ZFHX3: variants seen among roughly 807,000 people sequenced by gnomAD.
ZFHX3 encodes the protein zinc finger homeobox 3, also known as zinc finger homeobox protein 3.
ZFHX3 carries 42 observed loss-of-function variants against 279.1 expected under a neutral mutation model. The observed-to-expected ratio is 0.15, with a 90% CI of 0.12 to 0.19. The LOEUF is 0.19. Ranked by LOEUF, ZFHX3 falls within the 10% of genes least tolerant of loss-of-function variation. The pLI is 1.00. For missense variants in ZFHX3, 4,981 were observed against 4,754.0 expected (o/e 1.05, Z -1.40); for synonymous variants, 2,293 against 1,957.8 (o/e 1.17, Z -4.52).
chr16:73,406,964 A>G (rs2017371742), intron 3 of ZFHX3, among the ~76,000 whole-genome samples: 1 of 152,212 alleles, frequency 6.6e-6, no homozygotes, highest in Non-Finnish European at 1.5e-5. Flanking sequence ...TTAGAGTAAC[A>G]ATTAATTGAA....
chr16:73,108,944 A>G (rs1174100831), intron 7 of ZFHX3, among the ~76,000 whole-genome samples: 1 of 152,198 alleles, frequency 6.6e-6, no homozygotes, highest in African/African-American at 2.4e-5. Flanking sequence ...GGCGTTTGCC[A>G]GCGATTTGGT....
intron 8 of ZFHX3, among the ~76,000 whole-genome samples, chr16:73,086,038 C>G (rs1397089810): frequency 7.7e-6 from 1 of 129,760 alleles, no homozygotes; most frequent in African/African-American, 2.9e-5. Context: ...AAGATCTAGA[C>G]AGACAGACAT....
At chr16:72,937,126 GC>G (rs1960165929) in intron 3 of ZFHX3, among the ~76,000 whole-genome samples, 1 of 152,152 alleles carries the variant, frequency 6.6e-6, no homozygotes, top group Non-Finnish European at 1.5e-5. Flanking sequence ...ACCATGCTAA[GC>G]CTGCGGAGTT....
At chr16:73,322,871 A>G (rs1280481855) in intron 3 of ZFHX3, among the ~76,000 whole-genome samples, 1 of 152,254 alleles carries the variant, frequency 6.6e-6, no homozygotes, top group Non-Finnish European at 1.5e-5. Context: ...GCTGACGGTC[A>G]GCAAACTGCA....
At chr16:73,017,960 A>T (rs1288372130) in intron 1 of ZFHX3, among the ~76,000 whole-genome samples, 8 of 151,670 alleles carry the variant, frequency 5.3e-5, no homozygotes. Context: ...TTTTCGATGA[A>T]GTGGGACCTA....
intron 1 of ZFHX3, among the ~76,000 whole-genome samples, chr16:72,967,397 T>A (rs901648387): frequency 1.3e-5 from 2 of 151,628 alleles, no homozygotes; most frequent in African/African-American, 2.4e-5. Context: ...GAAAATTAAG[T>A]GACAGTAAGT....
exon 3 of ZFHX3, chr16:73,456,105 C>T (rs1056736388): frequency 2.4e-4 from 36 of 152,108 alleles, no homozygotes; most frequent in African/African-American, 6.3e-4. Flanking sequence ...GTCCGTCTAA[C>T]GGGGCCAGCG....
chr16:73,133,143 T>C (rs1966724040), intron 6 of ZFHX3, among the ~76,000 whole-genome samples: 1 of 152,240 alleles, frequency 6.6e-6, no homozygotes, highest in Non-Finnish European at 1.5e-5. Context: ...GGAATTCTAA[T>C]GTGTAACTGA....
chr16:72,795,498 G>C lies in ZFHX3; in HGVS notation c.7184C>G (p.Ala2395Gly). 6.2e-7 allele frequency: 1 copy of C among 1,614,154 alleles called. No individual in the cohort carries two copies. Among genetic ancestry groups the C allele is most frequent in the Non-Finnish European group, 8.5e-7 (1 of 1,180,034 alleles). ...GGAAGCTGTATTATTGGCTGATGGTGCTGGGGCGCTGTAAGCCTGTGAGGG... is the reference window on the plus strand; with the variant it reads ...GGAAGCTGTATTATTGGCTGATGGTCCTGGGGCGCTGTAAGCCTGTGAGGG... ...PMPSQAYSAP[A>G]PSANNTASSA... The change falls in exon 9 of 10, where the codon GCA becomes GGA. Residue 2395 changes from alanine (A) to glycine (G), a missense_variant. Coordinates refer to ENST00000268489, the MANE Select transcript of ZFHX3 (RefSeq NM_006885.4).
At chr16:72,991,543 A>C (rs979222791) in intron 1 of ZFHX3, among the ~76,000 whole-genome samples, 1 of 152,366 alleles carries the variant, frequency 6.6e-6, no homozygotes. Context: ...TGTAAGGATT[A>C]ATGAGACAGT....
intron 3 of ZFHX3, among the ~76,000 whole-genome samples, chr16:73,327,753 G>A (rs1465001180): frequency 6.6e-6 from 1 of 152,228 alleles, no homozygotes; most frequent in African/African-American, 2.4e-5. Context: ...GAATCTTTGT[G>A]ATTGATGACA....
At chr16:73,426,922 T>A (rs1248854615) in intron 3 of ZFHX3, among the ~76,000 whole-genome samples, 1 of 152,138 alleles carries the variant, frequency 6.6e-6, no homozygotes, top group Admixed American at 6.5e-5. Context: ...AACGTGTTGA[T>A]TATTCTGATT....
At chr16:73,441,712 T>G (rs2018097093) in intron 3 of ZFHX3, among the ~76,000 whole-genome samples, 1 of 152,154 alleles carries the variant, frequency 6.6e-6, no homozygotes, top group Non-Finnish European at 1.5e-5. Context: ...AACATGTATC[T>G]TCTCCTTGGT....
At chr16:72,898,528 AG>A (rs977289467) in intron 3 of ZFHX3, among the ~76,000 whole-genome samples, 1 of 152,200 alleles carries the variant, frequency 6.6e-6, no homozygotes, top group Non-Finnish European at 1.5e-5. Context: ...CTAAGTCTAT[AG>A]CTGTCTATAG....
chr16:73,026,805 C>T (rs964711792), intron 1 of ZFHX3, among the ~76,000 whole-genome samples: 1 of 151,996 alleles, frequency 6.6e-6, no homozygotes, highest in Non-Finnish European at 1.5e-5. Flanking sequence ...ACCCTGGAAT[C>T]GCTGGGGGAG....
At chr16:73,302,036 A>T (rs1366824722) in intron 4 of ZFHX3, among the ~76,000 whole-genome samples, 2 of 151,988 alleles carry the variant, frequency 1.3e-5, no homozygotes, top group South Asian at 2.1e-4. Flanking sequence ...TTCTCATTCC[A>T]GGTAGTGTTG....
At position 72,843,867 on chromosome 16, in the gene ZFHX3, G is replaced by A. The variant is rs189359390; in HGVS notation, c.3449-14008C>T. On this transcript the variant is annotated intron_variant, in intron 4 of 9. Transcript: ENST00000268489. ...TCACCAAAACCAAAGCAAACCCCAC[G>A]ATACACAAAACAAAACCAGCCAATC... Among the ~76,000 whole-genome samples, 433 of 152,232 alleles carry A rather than the reference G, an allele frequency of 2.8e-3. 3 individuals are homozygous for A. Among genetic ancestry groups the A allele is most frequent in the Non-Finnish European group, 4.8e-3 (328 of 68,014 alleles).
chr16:73,494,238 A>T (rs1187687467), intron 2 of ZFHX3, among the ~76,000 whole-genome samples: 1 of 152,200 alleles, frequency 6.6e-6, no homozygotes, highest in African/African-American at 2.4e-5. Context: ...CTACATCAAT[A>T]CGGACGGAGC....
intron 4 of ZFHX3, among the ~76,000 whole-genome samples, chr16:72,831,319 T>G (rs541342576): frequency 8.7e-4 from 132 of 152,314 alleles, no homozygotes; most frequent in South Asian, 2.9e-3. Context: ...TCTTTCTTCC[T>G]TACCACCAAG....
Sources: allele counts gnomAD v4.1 joint callset (sites outside exome capture counted in the v4.1 genomes callset), GRCh38; gene constraint gnomAD v4.1.1; transcripts MANE v1.5; gene names NCBI Gene and HGNC (gene_info 2026-07-23, HGNC 2026-07-21).